LMBRD1: variants seen among roughly 807,000 people sequenced by gnomAD.
LMBRD1 encodes the protein LMBR1 domain containing 1, also known as lysosomal cobalamin transport escort protein LMBD1.
LMBRD1 carries 64 observed loss-of-function variants against 74.8 expected under a neutral mutation model. That is an observed-to-expected ratio of 0.86 (90% confidence interval 0.70 to 1.05). The LOEUF (loss-of-function observed/expected upper bound fraction) is 1.05. LMBRD1 is among the 50% of genes least tolerant of loss of function. The probability of loss-of-function intolerance (pLI) is 0.00; values close to 1 mark genes in which losing one functional copy is unlikely to be tolerated. For missense variants in LMBRD1, 652 were observed against 645.9 expected, an observed-to-expected ratio of 1.01 and a Z score of -0.10; for synonymous variants, 204 against 216.3, an observed-to-expected ratio of 0.94 and a Z score of 0.50.
chr6:69,728,451 G>A (rs979455727), intron 7 of LMBRD1, among the ~76,000 whole-genome samples: 1 of 152,162 alleles, frequency 6.6e-6, no homozygotes, highest in African/African-American at 2.4e-5. Flanking sequence ...GCTAAGCCCA[G>A]CTTATATGCA....
chr6:69,757,601 C>T (rs748895368), intron 3 of LMBRD1, among the ~76,000 whole-genome samples: 3 of 152,212 alleles, frequency 2.0e-5, no homozygotes, highest in Non-Finnish European at 2.9e-5. Flanking sequence ...TATTTTATAA[C>T]ATTTATCATA....
At chr6:69,789,232 A>T (rs1013347762) in intron 2 of LMBRD1, among the ~76,000 whole-genome samples, 1 of 152,196 alleles carries the variant, frequency 6.6e-6, no homozygotes, top group Non-Finnish European at 1.5e-5. Flanking sequence ...CAAATTATTT[A>T]CCCCATTTGG....
chr6:69,716,511 G>A (rs797000991), intron 8 of LMBRD1, among the ~76,000 whole-genome samples: 6 of 151,844 alleles, frequency 4.0e-5, no homozygotes, highest in African/African-American at 9.7e-5. Context: ...AACTCTTTGA[G>A]GCTGATAATA....
At chr6:69,715,523 G>A (rs1378699419) in intron 8 of LMBRD1, among the ~76,000 whole-genome samples, 1 of 152,030 alleles carries the variant, frequency 6.6e-6, no homozygotes, top group Non-Finnish European at 1.5e-5. Context: ...TAGTTATACA[G>A]GTTAAAATGT....
Position 69,752,211 on chromosome 6 carries a change from T to C in LMBRD1, c.405+48A>G, listed in dbSNP as rs559617269. 58 of 1,559,114 alleles carry C rather than the reference T, an allele frequency of 3.7e-5. No individual in the cohort carries two copies. In the South Asian group the frequency reaches 6.4e-4, roughly 17 times the overall value. ...ATTCATTCTCTGAAAAAGCAGGTAA[T>C]ATTATTTTTCTTTCCTAAACTAAGG... On this transcript the variant is annotated intron_variant, in intron 4 of 15. Coordinates refer to ENST00000649934, the MANE Select transcript of LMBRD1 (RefSeq NM_018368.4).
rs751817244 is a variant in LMBRD1, at chr6:69,700,871, T to TG, written c.1084-3dup. The TG allele has an allele frequency of 3.7e-5, 51 of 1,368,148 alleles. No homozygotes were observed. The highest frequency in any genetic ancestry group is 4.9e-5 in the Non-Finnish European group (49 of 999,570). 84.8% of individuals were successfully genotyped at this position (1,368,148 alleles called of 1,614,324 possible). ...AAGAATATAATCAAGAGGGAAAACC[T>TG]GAAAAAAAAAGATGAAATTAAATTT... is the stretch of plus-strand genomic sequence containing the variant. On this transcript the variant is annotated splice_polypyrimidine_tract_variant and splice_region_variant and intron_variant, in intron 11 of 15. Transcript: ENST00000649934.
chr6:69,682,576 A>G (rs1765686168), intron 14 of LMBRD1, among the ~76,000 whole-genome samples: 1 of 152,004 alleles, frequency 6.6e-6, no homozygotes, highest in South Asian at 2.1e-4. Flanking sequence ...ATTAGCATAT[A>G]AAATGTAGAA....
intron 3 of LMBRD1, among the ~76,000 whole-genome samples, chr6:69,753,815 C>A (rs1312441262): frequency 8.5e-5 from 13 of 152,062 alleles, no homozygotes; most frequent in Admixed American, 8.5e-4. Context: ...GTCGTGGGCA[C>A]CTGTATTCCC....
intron 14 of LMBRD1, 53 bp downstream of exon 14, chr6:69,697,510 C>G: frequency 8.2e-7 from 1 of 1,220,032 alleles, no homozygotes; most frequent in Admixed American, 1.7e-5. Flanking sequence ...CAGCAAAATG[C>G]CAGGAAATTC....
chr6:69,773,236 T>C (rs13437057), intron 3 of LMBRD1, among the ~76,000 whole-genome samples: 12,257 of 152,178 alleles, frequency 0.081, 656 homozygotes, highest in Admixed American at 0.15. Context: ...GGGTTCATTA[T>C]AAAAGGATGT....
chr6:69,749,700 A>G (rs1207523915), intron 4 of LMBRD1, among the ~76,000 whole-genome samples: 1 of 151,600 alleles, frequency 6.6e-6, no homozygotes, highest in African/African-American at 2.4e-5. Context: ...TTATCAGAAT[A>G]TGTAATAAAA....
rs3757059 is a variant in LMBRD1, at chr6:69,705,435, T to C, written c.916-3482A>G. 0.032 allele frequency: 42,214 copies of C among 1,301,818 alleles called. 4,629 individuals carry two copies. The African/African-American group carries it at 0.35, about 11-fold the overall frequency. 80.6% of individuals were successfully genotyped at this position (1,301,818 alleles called of 1,614,324 possible). A position where few individuals can be genotyped will look rare whatever the true frequency, so the allele number is the denominator to read the frequency against. On this transcript the variant is annotated intron_variant, in intron 9 of 15. Transcript: ENST00000649934. Reference sequence around the variant, plus strand: ...ACTTGCTTGCATTTTTGCTTTAATGTCTTCTACAGAACTAGGTCCTTTTGG... The same window carrying C: ...ACTTGCTTGCATTTTTGCTTTAATGCCTTCTACAGAACTAGGTCCTTTTGG...
rs12523798 is a variant in LMBRD1, at chr6:69,788,907, G to A, written c.246+1389C>T. Among the ~76,000 whole-genome samples, 723 of 152,252 alleles carry A rather than the reference G, an allele frequency of 4.7e-3. 8 individuals are homozygous for A. The highest frequency in any genetic ancestry group is 0.017 in the Middle Eastern group (5 of 294). ...CCCAGCTTCAGCACTTACAGGCTAT[G>A]TTATTTCACCTCTTTGAACCTTGAT... On this transcript the variant is annotated intron_variant, in intron 2 of 15. Transcript: ENST00000649934.
intron 3 of LMBRD1, among the ~76,000 whole-genome samples, chr6:69,760,900 G>A (rs1321877906): frequency 6.6e-6 from 1 of 152,150 alleles, no homozygotes; most frequent in Non-Finnish European, 1.5e-5. Flanking sequence ...CTCAACCCAT[G>A]TGAGAGAGCT....
At chr6:69,769,065 C>T (rs1052169674) in intron 3 of LMBRD1, among the ~76,000 whole-genome samples, 3 of 151,994 alleles carry the variant, frequency 2.0e-5, no homozygotes, top group Non-Finnish European at 4.4e-5. Context: ...GGGTAGATTG[C>T]TTTTTGGCCA....
intron 14 of LMBRD1, among the ~76,000 whole-genome samples, chr6:69,695,209 C>T (rs1317651281): frequency 1.3e-5 from 2 of 151,976 alleles, no homozygotes; most frequent in Non-Finnish European, 2.9e-5. Context: ...TCCTGCTCCA[C>T]TAGTTCCATC....
chr6:69,752,491 T>C, intron 3 of LMBRD1, 135 bp from the exon 4 acceptor site: 3 of 715,324 alleles, frequency 4.2e-6, no homozygotes, highest in East Asian at 2.9e-5. Context: ...ACTCTTTCTA[T>C]ATAGTACATG....
chr6:69,722,874 CA>C (rs1227204132), intron 7 of LMBRD1, among the ~76,000 whole-genome samples: 1 of 152,120 alleles, frequency 6.6e-6, no homozygotes, highest in East Asian at 1.9e-4. Context: ...CTAAACTCTC[CA>C]ATCAAAAGAC....
chr6:69,718,968 C>A lies in LMBRD1; in HGVS notation c.750G>T (p.Thr250=). The A allele has an allele frequency of 1.2e-6, 2 of 1,613,306 alleles. No individual in the cohort carries two copies. The highest frequency in any genetic ancestry group is 2.2e-5 in the South Asian group (2 of 91,060). Reference sequence around the variant, plus strand: ...AACATCAACTCACTTTTGATTTAATCGTTTGAATGTGTTGTTCTACTTCTT... The same window carrying A: ...AACATCAACTCACTTTTGATTTAATAGTTTGAATGTGTTGTTCTACTTCTT... ...DIEEVEQHIQ[T]IKSKSKDGRP... is the part of the protein sequence containing the mutation. The change falls in exon 8 of 16, where the codon ACG becomes ACT. Residue 250 remains threonine, a synonymous_variant. Coordinates refer to ENST00000649934, the MANE Select transcript of LMBRD1 (RefSeq NM_018368.4).
Sources: allele counts gnomAD v4.1 joint callset (sites outside exome capture counted in the v4.1 genomes callset), GRCh38; gene constraint gnomAD v4.1.1; transcripts MANE v1.5; gene names NCBI Gene and HGNC (gene_info 2026-07-23, HGNC 2026-07-21).